NLGN4X: variants seen among roughly 807,000 people sequenced by gnomAD.
The protein encoded by NLGN4X is neuroligin 4 X-linked, also known as neuroligin-4, X-linked.
NLGN4X carries 3 observed loss-of-function variants against 40.3 expected under a neutral mutation model. The observed-to-expected ratio is 0.07, with a 90% CI of 0.03 to 0.19. NLGN4X has a LOEUF of 0.19. NLGN4X is among the 10% of genes least tolerant of loss of function. NLGN4X has a pLI of 1.00. For missense variants in NLGN4X, 382 were observed against 708.3 expected, an observed-to-expected ratio of 0.54 and a Z score of 5.23; for synonymous variants, 270 against 306.8, an observed-to-expected ratio of 0.88 and a Z score of 1.25.
chrX:6,091,859 T>G (rs111689633), intron 2 of NLGN4X, among the ~76,000 whole-genome samples: 1,505 of 111,225 alleles, frequency 0.014, 14 homozygotes, highest in Non-Finnish European at 0.023. Context: ...TGTTCCTCAG[T>G]ACTTCTTCCT....
chrX:6,150,708 T>C (rs1410537528), intron 2 of NLGN4X, among the ~76,000 whole-genome samples: 1 of 112,131 alleles, frequency 8.9e-6, no homozygotes, highest in Non-Finnish European at 1.9e-5. Flanking sequence ...TATGCTCATA[T>C]TTATTTTCAT....
chrX:6,028,008 G>C (rs1214070443), intron 3 of NLGN4X, among the ~76,000 whole-genome samples: 1 of 109,717 alleles, frequency 9.1e-6, no homozygotes, highest in Admixed American at 9.7e-5. Context: ...GTAGAGACAG[G>C]GTTTCACCAC....
chrX:5,935,988 G>A, intron 3 of NLGN4X, among the ~76,000 whole-genome samples: 1 of 111,961 alleles, frequency 8.9e-6, no homozygotes, highest in Non-Finnish European at 1.9e-5. Context: ...CCTTAGGACA[G>A]GTCCAAAGAA....
intron 3 of NLGN4X, among the ~76,000 whole-genome samples, chrX:5,964,131 T>C (rs2034748971): frequency 9.0e-6 from 1 of 111,493 alleles, no homozygotes; most frequent in African/African-American, 3.3e-5. Flanking sequence ...GGGTTATAAA[T>C]GTTCAGGGAA....
intron 3 of NLGN4X, among the ~76,000 whole-genome samples, chrX:5,927,287 C>G (rs370317636): frequency 6.3e-5 from 7 of 111,568 alleles, no homozygotes; most frequent in African/African-American, 2.0e-4. Context: ...CAGGAAGGAA[C>G]GAAAATGCAG....
chrX:5,900,560 C>CTTTTTTT lies in NLGN4X; in HGVS notation c.1601+2510_1601+2516dup, dbSNP rs1163973694. On this transcript the variant is annotated intron_variant, in intron 5 of 5. Transcript: ENST00000381095. ...GTTATAAGACACACCGTTTTTGGTGCTTTTTTTTTTTTTTTTTTTTTTTTT... is the reference window on the plus strand; with the variant it reads ...GTTATAAGACACACCGTTTTTGGTGCTTTTTTTTTTTTTTTTTTTTTTTTTTTTTTTT... 6.6e-5 allele frequency among the ~76,000 whole-genome samples: 3 copies of CTTTTTTT among 45,596 alleles called. 1 individual carries two copies. Among genetic ancestry groups the CTTTTTTT allele is most frequent in the African/African-American group, 1.7e-4 (2 of 11,772 alleles). The allele number at this position is 45,596 out of a possible 115,157, so 39.6% of individuals were successfully genotyped here. A position where few individuals can be genotyped will look rare whatever the true frequency, so the allele number is the denominator to read the frequency against.
At chrX:6,190,628 C>T (rs1922458514) in intron 1 of NLGN4X, among the ~76,000 whole-genome samples, 1 of 111,756 alleles carries the variant, frequency 8.9e-6, no homozygotes, top group Admixed American at 9.5e-5. Context: ...AAGTATTCTA[C>T]CCATATCTTT....
intron 2 of NLGN4X, among the ~76,000 whole-genome samples, chrX:6,062,593 C>A (rs947785029): frequency 9.0e-6 from 1 of 111,112 alleles, no homozygotes; most frequent in Admixed American, 9.6e-5. Flanking sequence ...TTGGCTGTGT[C>A]CCCACCCAAA....
At chrX:6,149,448 GA>G (rs2040118768) in intron 2 of NLGN4X, among the ~76,000 whole-genome samples, 1 of 111,616 alleles carries the variant, frequency 9.0e-6, no homozygotes, top group Admixed American at 9.6e-5. Flanking sequence ...GTTTTTGTTT[GA>G]ATAGTTCATT....
At chrX:6,031,178 T>C (rs6638591) in intron 2 of NLGN4X, among the ~76,000 whole-genome samples, 34,847 of 111,257 alleles carry the variant, frequency 0.31, 4,823 homozygotes, top group East Asian at 0.59. Flanking sequence ...GAAAACAGAT[T>C]CTAATTATCG....
chrX:6,063,232 T>A (rs2147335791), intron 2 of NLGN4X, among the ~76,000 whole-genome samples: 1 of 111,927 alleles, frequency 8.9e-6, no homozygotes, highest in East Asian at 2.8e-4. Context: ...CCTAGTAATT[T>A]AGGGGGCCAA....
intron 3 of NLGN4X, among the ~76,000 whole-genome samples, chrX:5,962,440 T>G (rs1452844890): frequency 8.9e-6 from 1 of 111,939 alleles, no homozygotes; most frequent in Non-Finnish European, 1.9e-5. Context: ...ATACCAACAC[T>G]TTTGCAAAAA....
rs757953329 is a variant in NLGN4X, at chrX:6,137,743, TAA to T, written c.472+13250_472+13251del. Among the ~76,000 whole-genome samples, 440 of 112,249 alleles carry T rather than the reference TAA, an allele frequency of 3.9e-3. 5 individuals carry two copies. Among genetic ancestry groups the T allele is most frequent in the Non-Finnish European group, 6.7e-3 (356 of 53,256 alleles). ...ATGCAAGAGGAAGCTCATTTTATCC[TAA>T]GTCTTAGAATAAGCTTTCCCTAATG... On this transcript the variant is annotated intron_variant, in intron 2 of 5. Coordinates refer to ENST00000381095, the MANE Select transcript of NLGN4X (RefSeq NM_181332.3).
intron 2 of NLGN4X, among the ~76,000 whole-genome samples, chrX:6,081,893 T>C (rs1470612781): frequency 8.9e-6 from 1 of 112,206 alleles, no homozygotes; most frequent in Non-Finnish European, 1.9e-5. Flanking sequence ...CAATGTACAG[T>C]TGCGATCAAT....
Position 6,104,829 on chromosome X carries a change from C to A in NLGN4X, c.472+46166G>T, listed in dbSNP as rs753475136. On this transcript the variant is annotated intron_variant, in intron 2 of 5. Coordinates refer to ENST00000381095, the MANE Select transcript of NLGN4X (RefSeq NM_181332.3). ...CTGCATGGAAGGTCAGGAGCACGGA[C>A]AATGTATATGGAGTTAGAGGTAGGA... Among the ~76,000 whole-genome samples, 43 of 110,931 alleles carry A rather than the reference C, an allele frequency of 3.9e-4. 1 individual carries two copies. Among genetic ancestry groups the A allele is most frequent in the Non-Finnish European group, 6.8e-4 (36 of 52,990 alleles).
chrX:6,184,852 G>C (rs1336184820), intron 1 of NLGN4X, among the ~76,000 whole-genome samples: 1 of 112,515 alleles, frequency 8.9e-6, no homozygotes, highest in Non-Finnish European at 1.9e-5. Flanking sequence ...ACCAATACAC[G>C]GGAGAGCGTA....
intron 3 of NLGN4X, among the ~76,000 whole-genome samples, chrX:5,974,682 T>C (rs2035123511): frequency 1.8e-5 from 2 of 111,375 alleles, no homozygotes; most frequent in African/African-American, 6.5e-5. Flanking sequence ...AGTCCTCCGT[T>C]ACCCACGGGG....
At chrX:5,993,937 C>A (rs141283266) in intron 3 of NLGN4X, among the ~76,000 whole-genome samples, 1,783 of 111,419 alleles carry the variant, frequency 0.016, 34 homozygotes, top group African/African-American at 0.056. Context: ...TCATATATGC[C>A]TCCAAAGTAA....
At chrX:6,207,813 T>A (rs1290145403) in intron 1 of NLGN4X, among the ~76,000 whole-genome samples, 4 of 111,982 alleles carry the variant, frequency 3.6e-5, no homozygotes, top group Non-Finnish European at 7.5e-5. Context: ...AAGGTGTCCA[T>A]TTATTATCAA....
Sources: allele counts gnomAD v4.1 joint callset (sites outside exome capture counted in the v4.1 genomes callset), GRCh38; gene constraint gnomAD v4.1.1; transcripts MANE v1.5; gene names NCBI Gene and HGNC (gene_info 2026-07-23, HGNC 2026-07-21).